The following STOX2 variants were observed in gnomAD, a reference collection of about 807,000 sequenced individuals.
STOX2 encodes storkhead box 2.
In STOX2, 28 loss-of-function variants were observed where a neutral mutation model predicts 60.9. The observed-to-expected ratio is 0.46, with a 90% CI of 0.34 to 0.63. The LOEUF (loss-of-function observed/expected upper bound fraction) is 0.63, where lower values mean the gene tolerates loss of function less well. Ranked by LOEUF, STOX2 falls within the 30% of genes least tolerant of loss-of-function variation. The probability of loss-of-function intolerance (pLI) is 0.01; values close to 1 mark genes in which losing one functional copy is unlikely to be tolerated. For missense variants in STOX2, 1,024 were observed against 1,187.7 expected, an observed-to-expected ratio of 0.86 and a Z score of 2.03; for synonymous variants, 472 against 463.9, an observed-to-expected ratio of 1.02 and a Z score of -0.22.
At chr4:183,960,229 A>T (rs766488570) in intron 1 of STOX2, 8 of 152,180 alleles carry the variant, frequency 5.3e-5, no homozygotes, top group African/African-American at 9.7e-5. Context: ...TCTTTGTGTG[A>T]ACCGGTGCAT....
intron 1 of STOX2, among the ~76,000 whole-genome samples, chr4:183,933,428 G>A (rs765466907): frequency 6.6e-6 from 1 of 151,802 alleles, no homozygotes; most frequent in Non-Finnish European, 1.5e-5. Flanking sequence ...CACTCTTGTC[G>A]CCCTGGCTAG....
intron 1 of STOX2, among the ~76,000 whole-genome samples, chr4:183,981,942 A>C (rs1017856615): frequency 6.6e-5 from 10 of 152,224 alleles, no homozygotes; most frequent in Admixed American, 6.5e-4. Flanking sequence ...TGTCTCAAAC[A>C]AAACAAAACA....
At chr4:183,864,600 G>A (rs1472858206) in intron 1 of STOX2, among the ~76,000 whole-genome samples, 2 of 151,992 alleles carry the variant, frequency 1.3e-5, no homozygotes. Context: ...CTCCATGTTG[G>A]CCAGGCTGGT....
intron 1 of STOX2, among the ~76,000 whole-genome samples, chr4:183,879,936 G>A (rs1740917887): frequency 6.6e-6 from 1 of 152,102 alleles, no homozygotes; most frequent in Non-Finnish European, 1.5e-5. Context: ...TCCACTTGGT[G>A]CTGCTAACTA....
At chr4:183,868,873 GGTAA>G (rs1412315045) in intron 1 of STOX2, among the ~76,000 whole-genome samples, 2 of 151,972 alleles carry the variant, frequency 1.3e-5, no homozygotes, top group African/African-American at 4.8e-5. Context: ...AAAGAAAAAG[GGTAA>G]GTCACTCCCC....
Position 184,021,113 on chromosome 4 carries a change from A to G in STOX2, c.*3829A>G, listed in dbSNP as rs563967211. ...TTTTGAAAGTCTTGCCATTTATAAC[A>G]TGGGCAGTATTTGGAGCTTCATTTA... On this transcript the variant is annotated 3_prime_UTR_variant, in exon 4 of 4. Coordinates refer to ENST00000308497, the MANE Select transcript of STOX2 (RefSeq NM_020225.3). 6.6e-6 allele frequency: 1 copy of G among 152,352 alleles called. No individual in the cohort carries two copies. The highest frequency in any genetic ancestry group is 2.4e-5 in the African/African-American group (1 of 41,588). The allele number at this position is 152,352 out of a possible 1,614,324, so 9.4% of individuals were successfully genotyped here.
At chr4:183,948,090 CG>C (rs1742948427) in intron 1 of STOX2, among the ~76,000 whole-genome samples, 1 of 151,800 alleles carries the variant, frequency 6.6e-6, no homozygotes, top group Non-Finnish European at 1.5e-5. Flanking sequence ...TGGTGGCTCA[CG>C]CCTGTAATCC....
chr4:183,954,117 T>C (rs941746707), intron 1 of STOX2, among the ~76,000 whole-genome samples: 6 of 152,170 alleles, frequency 3.9e-5, no homozygotes, highest in African/African-American at 7.2e-5. Context: ...TTGTAATTAA[T>C]GCTTCTTTAA....
chr4:183,851,684 G>A (rs199507751), intron 1 of STOX2, among the ~76,000 whole-genome samples: 51 of 32,914 alleles, frequency 1.5e-3, no homozygotes, highest in African/African-American at 1.6e-3. Flanking sequence ...AAAGGATGAG[G>A]GAAAGGATGA....
intron 1 of STOX2, among the ~76,000 whole-genome samples, chr4:183,837,935 G>T (rs905696269): frequency 2.6e-5 from 4 of 152,154 alleles, no homozygotes; most frequent in African/African-American, 9.7e-5. Context: ...AGATGTGGGT[G>T]TCTGTTCCAG....
chr4:183,882,834 G>C (rs1280390922), intron 1 of STOX2, among the ~76,000 whole-genome samples: 1 of 152,208 alleles, frequency 6.6e-6, no homozygotes, highest in African/African-American at 2.4e-5. Context: ...TGGCAAAGCC[G>C]GGGCTAGAAC....
At chr4:184,004,374 C>T (rs890549553) in intron 2 of STOX2, among the ~76,000 whole-genome samples, 9 of 151,998 alleles carry the variant, frequency 5.9e-5, no homozygotes, top group South Asian at 4.2e-4. Flanking sequence ...CCGAGGCGGG[C>T]GGATCACGAC....
chr4:183,911,274 T>A (rs1343874842), intron 1 of STOX2, among the ~76,000 whole-genome samples: 1 of 152,154 alleles, frequency 6.6e-6, no homozygotes, highest in Non-Finnish European at 1.5e-5. Context: ...ACATTAAAGG[T>A]ATGCGTTTTA....
rs115977316 is a variant in STOX2, at chr4:183,939,886, T to C, written c.166+32930T>C. Among the ~76,000 whole-genome samples, 837 of 152,266 alleles carry C rather than the reference T, an allele frequency of 5.5e-3. 8 individuals are homozygous for C. Among genetic ancestry groups the C allele is most frequent in the African/African-American group, 0.019 (770 of 41,568 alleles). On this transcript the variant is annotated intron_variant, in intron 1 of 3. Transcript: ENST00000308497. ...GATACATCAGGAGTGATCATAGTTA[T>C]GGTGTTTTCTTATTTAAAGATAGCA...
At chr4:184,000,317 A>G (rs1442005228) in intron 1 of STOX2, among the ~76,000 whole-genome samples, 4 of 152,200 alleles carry the variant, frequency 2.6e-5, no homozygotes, top group African/African-American at 4.8e-5. Context: ...TGACATCTCA[A>G]GAGTCACCGT....
chr4:183,798,633 T>C (rs1738689411), intron 1 of STOX2: 12 of 985,322 alleles, frequency 1.2e-5, no homozygotes, highest in Non-Finnish European at 1.4e-5. Context: ...CTTAAATGTC[T>C]CACCTGCAGC....
rs1579397182 is a variant in STOX2, at chr4:183,906,210, T to C, written c.-581T>C. 2 of 152,240 alleles carry C rather than the reference T, an allele frequency of 1.3e-5. No individual in the cohort carries two copies. Among genetic ancestry groups the C allele is most frequent in the East Asian group, 3.9e-4 (2 of 5,154 alleles). The allele number at this position is 152,240 out of a possible 1,614,324, so 9.4% of individuals were successfully genotyped here. ...CGGGGACTGCGGGCCGTGCGGCTGA[T>C]AGGCCCGCGGGGACACGACTCGGAC... On this transcript the variant is annotated 5_prime_UTR_variant, in exon 1 of 4. Coordinates refer to ENST00000308497, the MANE Select transcript of STOX2 (RefSeq NM_020225.3).
At chr4:183,927,542 C>T (rs1742276930) in intron 1 of STOX2, among the ~76,000 whole-genome samples, 2 of 151,650 alleles carry the variant, frequency 1.3e-5, no homozygotes, top group Admixed American at 6.6e-5. Context: ...ACTTAATTGC[C>T]GGTAATTACA....
chr4:183,941,083 G>A (rs181306545), intron 1 of STOX2, among the ~76,000 whole-genome samples: 4 of 152,158 alleles, frequency 2.6e-5, no homozygotes, highest in African/African-American at 7.2e-5. Context: ...GGATGATGAA[G>A]TTAGTAAAAA....
Sources: allele counts gnomAD v4.1 joint callset (sites outside exome capture counted in the v4.1 genomes callset), GRCh38; gene constraint gnomAD v4.1.1; transcripts MANE v1.5; gene names NCBI Gene and HGNC (gene_info 2026-07-23, HGNC 2026-07-21).